CREBL2: variants seen among roughly 807,000 people sequenced by gnomAD.
The protein encoded by CREBL2 is cAMP responsive element binding protein like 2.
Under a neutral mutation model 19.5 loss-of-function variants are expected in CREBL2, and 4 were observed. That is an observed-to-expected ratio of 0.20 (90% confidence interval 0.10 to 0.47). The LOEUF (loss-of-function observed/expected upper bound fraction) is 0.47. Among genes scored for constraint, CREBL2 ranks in the 20% least tolerant of loss-of-function variants. The pLI, the probability that CREBL2 is intolerant of heterozygous loss-of-function variation, is 0.98. For synonymous variants in CREBL2, 42 were observed against 46.6 expected, an observed-to-expected ratio of 0.90 and a Z score of 0.40; for missense variants, 85 against 145.1, an observed-to-expected ratio of 0.59 and a Z score of 2.13.
At chr12:12,633,283 G>T (rs1270369130) in intron 1 of CREBL2, among the ~76,000 whole-genome samples, 1 of 151,908 alleles carries the variant, frequency 6.6e-6, no homozygotes, top group African/African-American at 2.4e-5. Context: ...ATTGGGCCAG[G>T]CCCGGTGGAT....
In CREBL2 at chr12:12,643,708, C is replaced by G. The variant is rs1334344144; in HGVS notation, c.*1710C>G. On this transcript the variant is annotated 3_prime_UTR_variant, in exon 4 of 4. Transcript: ENST00000228865. ...TAGTCTAGTCATGTGTGACTGTGTACTGAGATACCACTAGCCCAGTTTGCT... is the reference window on the plus strand; with the variant it reads ...TAGTCTAGTCATGTGTGACTGTGTAGTGAGATACCACTAGCCCAGTTTGCT... The G allele has an allele frequency of 6.6e-6, 1 of 152,078 alleles. No individual in the cohort carries two copies. The highest frequency in any genetic ancestry group is 1.5e-5 in the Non-Finnish European group (1 of 68,012). 9.4% of individuals were successfully genotyped at this position (152,078 alleles called of 1,614,324 possible).
intron 1 of CREBL2, among the ~76,000 whole-genome samples, chr12:12,612,943 C>T (rs1945279764): frequency 6.6e-6 from 1 of 152,192 alleles, no homozygotes. Context: ...GCGATCTCGG[C>T]TCACCACAAC....
rs144210003 is a variant in CREBL2 at position 12,624,812 on chromosome 12, T to G, written c.16-10965T>G. The stretch of plus-strand genomic sequence containing the variant: ...TGACAGCCTTTTGTATCTGCACTTG[T>G]GGCTCCCAAGCTCTTATCCAGCGTC... On this transcript the variant is annotated intron_variant, in intron 1 of 3. Transcript: ENST00000228865. Among the ~76,000 whole-genome samples, 109 of 152,314 alleles carry G rather than the reference T, an allele frequency of 7.2e-4. 1 individual carries two copies. Among genetic ancestry groups the G allele is most frequent in the Non-Finnish European group, 1.1e-3 (75 of 68,024 alleles).
chr12:12,632,991 T>C (rs1035217838), intron 1 of CREBL2, among the ~76,000 whole-genome samples: 5 of 151,418 alleles, frequency 3.3e-5, no homozygotes, highest in Non-Finnish European at 7.4e-5. Context: ...TGGAGTGCAG[T>C]GGCCCGATCT....
At chr12:12,635,428 A>C (rs1208397153) in intron 1 of CREBL2, among the ~76,000 whole-genome samples, 1 of 151,712 alleles carries the variant, frequency 6.6e-6, no homozygotes, top group African/African-American at 2.4e-5. Context: ...TTTCTTATCT[A>C]TCTCCATATG....
intron 1 of CREBL2, among the ~76,000 whole-genome samples, chr12:12,629,079 A>G (rs1489252050): frequency 1.3e-5 from 2 of 152,164 alleles, no homozygotes; most frequent in East Asian, 3.8e-4. Flanking sequence ...CGTCTTTTTC[A>G]AGATTGTTTT....
At chr12:12,630,381 T>C (rs1417809482) in intron 1 of CREBL2, among the ~76,000 whole-genome samples, 2 of 152,180 alleles carry the variant, frequency 1.3e-5, no homozygotes, top group African/African-American at 4.8e-5. Context: ...CTAGTTTTTT[T>C]GGCATGCAAT....
chr12:12,631,567 C>T (rs1489923809), intron 1 of CREBL2, among the ~76,000 whole-genome samples: 2 of 152,168 alleles, frequency 1.3e-5, no homozygotes, highest in African/African-American at 4.8e-5. Flanking sequence ...CAGGAAAGAG[C>T]AAGGGAACAA....
In CREBL2 at chr12:12,614,543, C is replaced by A. The variant is rs115534787; in HGVS notation, c.15+2356C>A. On this transcript the variant is annotated intron_variant, in intron 1 of 3. Coordinates refer to ENST00000228865, the MANE Select transcript of CREBL2 (RefSeq NM_001310.4). ...GGTGCGTTGGTGTGATCACAACTCA[C>A]TGCAGCCTCGAACTCCTGGGCTCAA... 800 of 185,852 alleles carry A rather than the reference C, an allele frequency of 4.3e-3. 11 individuals carry two copies. The highest frequency in any genetic ancestry group is 0.018 in the African/African-American group (744 of 41,206). 11.5% of individuals were successfully genotyped at this position (185,852 alleles called of 1,614,324 possible).
At chr12:12,640,847 G>C (rs567507935) in intron 3 of CREBL2, among the ~76,000 whole-genome samples, 1 of 152,080 alleles carries the variant, frequency 6.6e-6, no homozygotes, top group South Asian at 2.1e-4. Flanking sequence ...TTTGTTGATA[G>C]TGTTCTTTGA....
chr12:12,636,045 A>G (rs1592242165), intron 2 of CREBL2, 71 bp downstream of exon 2: 1 of 1,368,732 alleles, frequency 7.3e-7, no homozygotes, highest in Non-Finnish European at 1.0e-6. Context: ...TAAAATACGA[A>G]AATACCAGTT....
chr12:12,614,083 T>C (rs1295418021), intron 1 of CREBL2, among the ~76,000 whole-genome samples: 17 of 148,552 alleles, frequency 1.1e-4, no homozygotes, highest in African/African-American at 2.5e-5. Context: ...CGAGAATTGC[T>C]CTTGGGTTCA....
chr12:12,611,940 G>T lies in CREBL2; in HGVS notation c.-233G>T. ...GACTGTCATGGAGGGGGAGGAGGAGGCGGCGGCGGCGAAGGGAGGCGTTTG... is the reference window on the plus strand; with the variant it reads ...GACTGTCATGGAGGGGGAGGAGGAGTCGGCGGCGGCGAAGGGAGGCGTTTG... On this transcript the variant is annotated 5_prime_UTR_variant, in exon 1 of 4. Transcript: ENST00000228865. 1 of 575,758 alleles carries T rather than the reference G, an allele frequency of 1.7e-6. No individual in the cohort carries two copies. The highest frequency in any genetic ancestry group is 1.9e-5 in the African/African-American group (1 of 52,674). The allele number at this position is 575,758 out of a possible 1,614,324, so 35.7% of individuals were successfully genotyped here.
intron 1 of CREBL2, among the ~76,000 whole-genome samples, chr12:12,625,576 A>G (rs1463671090): frequency 6.6e-6 from 1 of 152,190 alleles, no homozygotes; most frequent in African/African-American, 2.4e-5. Context: ...TGAGATGTGG[A>G]TGGTAATAGG....
intron 1 of CREBL2, among the ~76,000 whole-genome samples, chr12:12,617,640 ATTCTTTTTTTTTTTTTTTTTT>A (rs1423416681): frequency 6.1e-5 from 1 of 16,496 alleles, no homozygotes; most frequent in East Asian, 1.5e-3. Context: ...CATTTTAGTA[ATTCTTTTTTTTTTTTTTTTTT>A]TTTTTTTTTT....
At chr12:12,618,854 A>C (rs1945337064) in intron 1 of CREBL2, among the ~76,000 whole-genome samples, 1 of 152,210 alleles carries the variant, frequency 6.6e-6, no homozygotes, top group Non-Finnish European at 1.5e-5. Context: ...CCCGGCCAAC[A>C]CAGCGAAACC....
intron 1 of CREBL2, among the ~76,000 whole-genome samples, chr12:12,613,846 A>G (rs1454268694): frequency 6.6e-6 from 1 of 151,532 alleles, no homozygotes; most frequent in Non-Finnish European, 1.5e-5. Context: ...GTGGGGTATG[A>G]TATTGGGGAA....
chr12:12,627,740 T>A (rs577867644), intron 1 of CREBL2, among the ~76,000 whole-genome samples: 1 of 152,358 alleles, frequency 6.6e-6, no homozygotes, highest in East Asian at 1.9e-4. Context: ...GGAATATACC[T>A]AGGGCTGGAA....
Position 12,611,912 on chromosome 12 carries a change from A to C in CREBL2, c.-261A>C. Reference sequence around the variant, plus strand: ...CTCTCCAGAGCGTCTGTAAACACCCAGAGACTGTCATGGAGGGGGAGGAGG... The same window carrying C: ...CTCTCCAGAGCGTCTGTAAACACCCCGAGACTGTCATGGAGGGGGAGGAGG... On this transcript the variant is annotated 5_prime_UTR_variant, in exon 1 of 4. Coordinates refer to ENST00000228865, the MANE Select transcript of CREBL2 (RefSeq NM_001310.4). 1 of 567,706 alleles carries C rather than the reference A, an allele frequency of 1.8e-6. No individual in the cohort carries two copies. Among genetic ancestry groups the C allele is most frequent in the Non-Finnish European group, 3.1e-6 (1 of 321,128 alleles). The allele number at this position is 567,706 out of a possible 1,614,324, so 35.2% of individuals were successfully genotyped here. A position where few individuals can be genotyped will look rare whatever the true frequency, so the allele number is the denominator to read the frequency against.
Sources: gnomAD v4.1 joint callset for allele counts (sites outside exome capture counted in the v4.1 genomes callset) on GRCh38, gnomAD v4.1.1 for gene constraint, MANE v1.5 for transcripts, NCBI Gene and HGNC (gene_info 2026-07-23, HGNC 2026-07-21) for gene names.